Variants in PPP3CA observed in about 807,000 individuals in gnomAD.
PPP3CA encodes the protein CAM-PRP catalytic subunit.
PPP3CA carries 14 observed loss-of-function variants against 66.5 expected under a neutral mutation model. The ratio of observed to expected loss-of-function variants is 0.21; its 90% confidence interval spans 0.14 to 0.33. PPP3CA has a LOEUF of 0.33. PPP3CA is among the 10% of genes least tolerant of loss of function. The pLI is 1.00. For missense variants in PPP3CA, 317 were observed against 639.5 expected, an observed-to-expected ratio of 0.50 and a Z score of 5.44; for synonymous variants, 232 against 226.2, an observed-to-expected ratio of 1.03 and a Z score of -0.23.
chr4:101,323,373 T>C (rs956695876), intron 1 of PPP3CA, among the ~76,000 whole-genome samples: 3 of 152,226 alleles, frequency 2.0e-5, no homozygotes, highest in African/African-American at 7.2e-5. Context: ...TCAGCGACTC[T>C]TATGGAAGGA....
intron 1 of PPP3CA, among the ~76,000 whole-genome samples, chr4:101,274,780 T>C (rs979227068): frequency 6.6e-6 from 1 of 152,206 alleles, no homozygotes; most frequent in Non-Finnish European, 1.5e-5. Context: ...ATCTAGTATA[T>C]GTAATTCATT....
At chr4:101,110,909 C>T (rs140590481) in intron 2 of PPP3CA, among the ~76,000 whole-genome samples, 1 of 151,962 alleles carries the variant, frequency 6.6e-6, no homozygotes, top group African/African-American at 2.4e-5. Flanking sequence ...AATAGTAAAA[C>T]ACTTCTTAAA....
intron 1 of PPP3CA, among the ~76,000 whole-genome samples, chr4:101,343,640 G>C (rs1246382535): frequency 6.6e-6 from 1 of 152,048 alleles, no homozygotes; most frequent in Non-Finnish European, 1.5e-5. Context: ...TACAGCACTA[G>C]TTTTGCTAAC....
intron 11 of PPP3CA, among the ~76,000 whole-genome samples, chr4:101,034,675 A>G (rs1169384441): frequency 6.6e-6 from 1 of 152,202 alleles, no homozygotes; most frequent in African/African-American, 2.4e-5. Flanking sequence ...GTTAATCCAT[A>G]TTTTAGATTT....
chr4:101,329,720 T>C (rs1197903153), intron 1 of PPP3CA, among the ~76,000 whole-genome samples: 1 of 152,114 alleles, frequency 6.6e-6, no homozygotes, highest in Non-Finnish European at 1.5e-5. Context: ...CCTAAAGCCC[T>C]TAAGAATTAT....
Position 101,238,400 on chromosome 4 carries a change from G to T in PPP3CA, c.59-42284C>A, listed in dbSNP as rs192030002. On this transcript the variant is annotated intron_variant, in intron 1 of 13. Coordinates refer to ENST00000394854, the MANE Select transcript of PPP3CA (RefSeq NM_000944.5). ...TTATTTTTAATTTAAGAAATAACAGGTTTTTTTACAATTAATATAAGAATT... is the reference window on the plus strand; with the variant it reads ...TTATTTTTAATTTAAGAAATAACAGTTTTTTTTACAATTAATATAAGAATT... Among the ~76,000 whole-genome samples, 489 of 151,452 alleles carry T rather than the reference G, an allele frequency of 3.2e-3. 4 individuals are homozygous for T. The highest frequency in any genetic ancestry group is 0.021 in the Middle Eastern group (6 of 292).
At chr4:101,269,912 T>A (rs1416368102) in intron 1 of PPP3CA, among the ~76,000 whole-genome samples, 1 of 152,104 alleles carries the variant, frequency 6.6e-6, no homozygotes, top group African/African-American at 2.4e-5. Flanking sequence ...CATGTGAACA[T>A]TTCATAAAAT....
chr4:101,206,620 T>A (rs1162173411), intron 1 of PPP3CA, among the ~76,000 whole-genome samples: 1 of 152,226 alleles, frequency 6.6e-6, no homozygotes, highest in Non-Finnish European at 1.5e-5. Context: ...CAATGATCAC[T>A]ACTCAAAAAA....
chr4:101,226,794 A>C (rs1413613516), intron 1 of PPP3CA, among the ~76,000 whole-genome samples: 1 of 151,714 alleles, frequency 6.6e-6, no homozygotes, highest in Non-Finnish European at 1.5e-5. Context: ...TCATGTAAGA[A>C]CATGATTCAT....
At chr4:101,197,457 G>C (rs1424307897) in intron 1 of PPP3CA, among the ~76,000 whole-genome samples, 1 of 152,166 alleles carries the variant, frequency 6.6e-6, no homozygotes, top group Non-Finnish European at 1.5e-5. Context: ...CTGAGCAGGA[G>C]GCTTTTGTGG....
chr4:101,124,708 A>C (rs1210510092), intron 2 of PPP3CA, among the ~76,000 whole-genome samples: 128 of 105,632 alleles, frequency 1.2e-3, no homozygotes, highest in Non-Finnish European at 2.1e-3. Context: ...AAAGAAAGAA[A>C]GAAAGAAAGA....
intron 3 of PPP3CA, among the ~76,000 whole-genome samples, chr4:101,104,575 G>C (rs571492419): frequency 2.0e-5 from 3 of 151,908 alleles, no homozygotes; most frequent in African/African-American, 4.8e-5. Flanking sequence ...TGTGACCCCC[G>C]AGCCTCAGTT....
intron 1 of PPP3CA, among the ~76,000 whole-genome samples, chr4:101,265,061 A>G (rs1311613652): frequency 6.6e-6 from 1 of 152,202 alleles, no homozygotes; most frequent in Non-Finnish European, 1.5e-5. Context: ...CACTATATCC[A>G]TAAGAATTTG....
At chr4:101,299,327 T>G (rs929213755) in intron 1 of PPP3CA, among the ~76,000 whole-genome samples, 1 of 151,564 alleles carries the variant, frequency 6.6e-6, no homozygotes, top group Non-Finnish European at 1.5e-5. Flanking sequence ...CTGAGATCAG[T>G]GAAAAAACAC....
intron 2 of PPP3CA, among the ~76,000 whole-genome samples, chr4:101,117,636 G>A (rs1419694969): frequency 6.6e-6 from 1 of 151,290 alleles, no homozygotes; most frequent in Non-Finnish European, 1.5e-5. Flanking sequence ...TCACGGTTGT[G>A]GTGCCAATAT....
intron 1 of PPP3CA, among the ~76,000 whole-genome samples, chr4:101,323,603 T>C (rs1729108051): frequency 6.6e-6 from 1 of 152,232 alleles, no homozygotes; most frequent in Admixed American, 6.5e-5. Flanking sequence ...CTCTCAGATG[T>C]TGAAACCATT....
At chr4:101,176,792 A>G (rs1724075400) in intron 2 of PPP3CA, among the ~76,000 whole-genome samples, 1 of 152,106 alleles carries the variant, frequency 6.6e-6, no homozygotes, top group Non-Finnish European at 1.5e-5. Flanking sequence ...AGCCCCCCCA[A>G]AAAACCACAG....
rs186130387 is a variant in PPP3CA at position 101,225,883 on chromosome 4, T to C, written c.59-29767A>G. Reference sequence around the variant, plus strand: ...ATGTGAAACAGAGGCAATCAAGTTATCAGTTTCTCAATAAAGATGAACATT... The same window carrying C: ...ATGTGAAACAGAGGCAATCAAGTTACCAGTTTCTCAATAAAGATGAACATT... On this transcript the variant is annotated intron_variant, in intron 1 of 13. Coordinates refer to ENST00000394854, the MANE Select transcript of PPP3CA (RefSeq NM_000944.5). Among the ~76,000 whole-genome samples the C allele has an allele frequency of 2.0e-4, 30 of 151,868 alleles. No individual in the cohort carries two copies. In the East Asian group the frequency reaches 5.9e-3, roughly 30 times the overall value.
chr4:101,114,436 A>C (rs981280938), intron 2 of PPP3CA, among the ~76,000 whole-genome samples: 1 of 152,130 alleles, frequency 6.6e-6, no homozygotes, highest in Admixed American at 6.6e-5. Context: ...GAAAAGTAAG[A>C]ACTATCAGAT....
Sources: allele counts gnomAD v4.1 joint callset (sites outside exome capture counted in the v4.1 genomes callset), GRCh38; gene constraint gnomAD v4.1.1; transcripts MANE v1.5; gene names NCBI Gene and HGNC (gene_info 2026-07-23, HGNC 2026-07-21).